CHCHD3: variants seen among roughly 807,000 people sequenced by gnomAD.
CHCHD3 encodes coiled-coil-helix-coiled-coil-helix domain containing 3, also known as MICOS complex subunit MIC19.
CHCHD3 carries 20 observed loss-of-function variants against 38.2 expected under a neutral mutation model. The ratio of observed to expected loss-of-function variants is 0.52; its 90% CI spans 0.37 to 0.76. The LOEUF (loss-of-function observed/expected upper bound fraction) is 0.76, where lower values mean the gene tolerates loss of function less well. Ranked by LOEUF, CHCHD3 falls within the 30% of genes least tolerant of loss-of-function variation. CHCHD3 has a pLI of 0.00. For synonymous variants in CHCHD3, 82 were observed against 100.0 expected (o/e 0.82, Z 1.07); for missense variants, 245 against 279.2 (o/e 0.88, Z 0.87).
intron 3 of CHCHD3, among the ~76,000 whole-genome samples, chr7:132,982,899 AACTC>A (rs1811955986): frequency 5.3e-5 from 8 of 152,212 alleles, no homozygotes; most frequent in Non-Finnish European, 1.5e-5. Flanking sequence ...AATTTGATAA[AACTC>A]ACAGATGAAT....
At chr7:132,970,187 G>A (rs1000176091) in intron 4 of CHCHD3, among the ~76,000 whole-genome samples, 5 of 152,072 alleles carry the variant, frequency 3.3e-5, no homozygotes, top group South Asian at 2.1e-4. Flanking sequence ...CTATCCCCAC[G>A]TTTCCAAGCT....
intron 4 of CHCHD3, among the ~76,000 whole-genome samples, chr7:132,959,722 C>CA (rs376282108): frequency 0.021 from 909 of 43,344 alleles, 8 homozygotes; most frequent in East Asian, 0.076. Context: ...AACTCCGTCT[C>CA]AAAAAAAAAA....
intron 4 of CHCHD3, among the ~76,000 whole-genome samples, chr7:132,962,672 A>G (rs1248147310): frequency 6.6e-6 from 1 of 152,218 alleles, no homozygotes; most frequent in Non-Finnish European, 1.5e-5. Context: ...TCATGAAAAG[A>G]AAATTTCCAA....
intron 7 of CHCHD3, among the ~76,000 whole-genome samples, chr7:132,795,745 T>G (rs1806592459): frequency 6.6e-6 from 1 of 152,168 alleles, no homozygotes; most frequent in South Asian, 2.1e-4. Context: ...ATCCAACTGT[T>G]AAATTGGTTA....
intron 5 of CHCHD3, among the ~76,000 whole-genome samples, chr7:132,841,321 A>G (rs1238827342): frequency 6.6e-6 from 1 of 151,642 alleles, no homozygotes; most frequent in Admixed American, 6.6e-5. Context: ...AAAGTCATAG[A>G]TAAGTGTTAC....
At chr7:132,953,967 TG>T (rs1811097506) in intron 4 of CHCHD3, among the ~76,000 whole-genome samples, 1 of 152,212 alleles carries the variant, frequency 6.6e-6, no homozygotes, top group African/African-American at 2.4e-5. Flanking sequence ...TTTGGAAATA[TG>T]GAGAAGATTG....
intron 5 of CHCHD3, among the ~76,000 whole-genome samples, chr7:132,869,471 G>T (rs573406309): frequency 6.6e-6 from 1 of 152,254 alleles, no homozygotes; most frequent in East Asian, 1.9e-4. Flanking sequence ...CTGCTCAAAA[G>T]ATGACAGAAA....
At chr7:132,861,294 T>C (rs1054436265) in intron 5 of CHCHD3, among the ~76,000 whole-genome samples, 2 of 152,096 alleles carry the variant, frequency 1.3e-5, no homozygotes, top group Non-Finnish European at 2.9e-5. Flanking sequence ...TTCTTTGGAG[T>C]GTGAGTGTGT....
At chr7:133,030,933 C>A in intron 2 of CHCHD3, among the ~76,000 whole-genome samples, 1 of 152,144 alleles carries the variant, frequency 6.6e-6, no homozygotes, top group Admixed American at 6.5e-5. Context: ...TGATTGAAAG[C>A]AGCTCTGGAT....
intron 5 of CHCHD3, among the ~76,000 whole-genome samples, chr7:132,859,013 G>A (rs1351359122): frequency 2.0e-5 from 3 of 152,064 alleles, no homozygotes; most frequent in African/African-American, 7.2e-5. Flanking sequence ...CCAAGCAGCC[G>A]AGCTCCAGAG....
chr7:132,912,412 T>C lies in CHCHD3; in HGVS notation c.370-26667A>G, dbSNP rs73447491. The stretch of plus-strand genomic sequence containing the variant: ...GTTAAAGGTAAAATGATGCTGGCAG[T>C]GAAGTATGGGAGTAAATTACATGTT... On this transcript the variant is annotated intron_variant, in intron 4 of 7. Coordinates refer to ENST00000262570, the MANE Select transcript of CHCHD3 (RefSeq NM_017812.4). Among the ~76,000 whole-genome samples, 1,097 of 152,318 alleles carry C rather than the reference T, an allele frequency of 7.2e-3. 18 individuals are homozygous for C. Among genetic ancestry groups the C allele is most frequent in the African/African-American group, 0.026 (1,060 of 41,554 alleles).
intron 4 of CHCHD3, among the ~76,000 whole-genome samples, chr7:132,974,307 T>C (rs1338084750): frequency 2.0e-5 from 3 of 152,194 alleles, no homozygotes; most frequent in Admixed American, 1.3e-4. Flanking sequence ...TTAGTAATAC[T>C]TTTAAAGACA....
At chr7:132,993,520 G>A (rs1008167117) in intron 3 of CHCHD3, among the ~76,000 whole-genome samples, 19 of 152,012 alleles carry the variant, frequency 1.2e-4, no homozygotes, top group African/African-American at 4.1e-4. Context: ...CTTTCTCTCC[G>A]CCTACTGTGC....
chr7:132,944,998 T>C (rs889584001), intron 4 of CHCHD3, among the ~76,000 whole-genome samples: 3 of 151,988 alleles, frequency 2.0e-5, no homozygotes, highest in African/African-American at 7.2e-5. Flanking sequence ...TTATAAAAGT[T>C]TGTCAGCTGG....
intron 4 of CHCHD3, among the ~76,000 whole-genome samples, chr7:132,947,992 G>A (rs1420824438): frequency 2.0e-5 from 3 of 151,956 alleles, no homozygotes; most frequent in Admixed American, 6.6e-5. Flanking sequence ...CACAACCATT[G>A]GGGGGAAAAA....
At chr7:133,031,411 G>T (rs1471949508) in intron 2 of CHCHD3, among the ~76,000 whole-genome samples, 1 of 152,030 alleles carries the variant, frequency 6.6e-6, no homozygotes, top group Admixed American at 6.6e-5. Context: ...ATGCAACCAT[G>T]ATCTGAAATA....
intron 4 of CHCHD3, among the ~76,000 whole-genome samples, chr7:132,917,867 A>AAAC (rs1235463285): frequency 1.3e-5 from 2 of 151,494 alleles, no homozygotes; most frequent in Non-Finnish European, 2.9e-5. Context: ...TCAAAAAAAA[A>AAAC]AAAAAAAAAA....
intron 4 of CHCHD3, among the ~76,000 whole-genome samples, chr7:132,934,361 G>C (rs1244578807): frequency 6.6e-6 from 1 of 152,122 alleles, no homozygotes; most frequent in East Asian, 1.9e-4. Context: ...CTCACACATT[G>C]AGGATCTCTG....
At chr7:132,826,249 C>G (rs1248385290) in intron 6 of CHCHD3, among the ~76,000 whole-genome samples, 2 of 152,218 alleles carry the variant, frequency 1.3e-5, no homozygotes, top group Non-Finnish European at 2.9e-5. Context: ...CACACAGCAG[C>G]AGCCCTTGGT....
Sources: gnomAD v4.1 joint callset for allele counts (sites outside exome capture counted in the v4.1 genomes callset) on GRCh38, gnomAD v4.1.1 for gene constraint, MANE v1.5 for transcripts, NCBI Gene and HGNC (gene_info 2026-07-23, HGNC 2026-07-21) for gene names.